The following CCDC50 variants were observed in gnomAD, a reference collection of about 807,000 sequenced individuals.
The protein encoded by CCDC50 is coiled-coil domain-containing protein 50.
A neutral mutation model predicts 70.2 loss-of-function variants in CCDC50; 54 were observed. That is an observed-to-expected ratio of 0.77 (90% CI 0.62 to 0.96). The LOEUF (loss-of-function observed/expected upper bound fraction) is 0.96, where lower values mean the gene tolerates loss of function less well. Among genes scored for constraint, CCDC50 ranks in the 50% least tolerant of loss-of-function variants. The pLI, the probability that CCDC50 is intolerant of heterozygous loss-of-function variation, is 0.00. For synonymous variants in CCDC50, 216 were observed against 198.8 expected, an observed-to-expected ratio of 1.09 and a Z score of -0.73; for missense variants, 558 against 578.7, an observed-to-expected ratio of 0.96 and a Z score of 0.37.
intron 1 of CCDC50, among the ~76,000 whole-genome samples, chr3:191,352,753 A>G (rs1188703261): frequency 2.5e-5 from 3 of 119,448 alleles, no homozygotes; most frequent in Non-Finnish European, 5.3e-5. Context: ...TATCTCCAAG[A>G]TATGCCTATA....
intron 1 of CCDC50, among the ~76,000 whole-genome samples, chr3:191,338,552 G>A (rs1430449791): frequency 1.3e-5 from 2 of 152,124 alleles, no homozygotes; most frequent in Non-Finnish European, 2.9e-5. Flanking sequence ...TTTCAATTCT[G>A]TCAGTGATTG....
rs922865974 is a variant in CCDC50, at chr3:191,357,251, T to A, written c.112+101T>A. The A allele has an allele frequency of 6.7e-6, 6 of 890,362 alleles. No individual in the cohort carries two copies. The Admixed American group carries it at 7.7e-5, about 11-fold the overall frequency. 55.2% of individuals were successfully genotyped at this position (890,362 alleles called of 1,614,324 possible). On this transcript the variant is annotated intron_variant, in intron 2 of 11. Transcript: ENST00000392455. Reference sequence around the variant, plus strand: ...TAGGTGGGGAGAGAGCACAGTCACTTGGCTTCACCATCCATACATCCTGAA... The same window carrying A: ...TAGGTGGGGAGAGAGCACAGTCACTAGGCTTCACCATCCATACATCCTGAA...
At chr3:191,354,930 C>T (rs1199585536) in intron 1 of CCDC50, among the ~76,000 whole-genome samples, 1 of 152,014 alleles carries the variant, frequency 6.6e-6, no homozygotes, top group Non-Finnish European at 1.5e-5. Context: ...ATTTAGGAAA[C>T]AATGATAAGA....
At position 191,375,421 on chromosome 3, in the gene CCDC50, C is replaced by G. The variant is rs774926550; in HGVS notation, c.808C>G (p.Arg270Gly). 14 of 1,613,730 alleles carry G rather than the reference C, an allele frequency of 8.7e-6. No individual in the cohort carries two copies. Among genetic ancestry groups the G allele is most frequent in the Admixed American group, 5.0e-5 (3 of 59,946 alleles). Residue 270 changes from arginine (R) to glycine (G), a missense_variant, in exon 6 of 12, where the codon CGA (arginine) becomes GGA (glycine). Coordinates refer to ENST00000392455, the MANE Select transcript of CCDC50 (RefSeq NM_178335.3). ...HQTRNWEKQS[R>G]HQDRLSPKSS... ...GACTCGAAATTGGGAAAAACAGTCT[C>G]GACACCAAGATCGACTTTCACCCAA... is the stretch of plus-strand genomic sequence containing the variant.
At chr3:191,329,761 C>T (rs764136372) in intron 1 of CCDC50, 38 bp downstream of exon 1, 7 of 1,592,360 alleles carry the variant, frequency 4.4e-6, no homozygotes, top group East Asian at 2.3e-5. Flanking sequence ...GGACCCTCCC[C>T]TCTCCCAGCC....
intron 5 of CCDC50, 160 bp downstream of exon 5, chr3:191,370,196 A>T (rs1179049224): frequency 1.5e-6 from 1 of 647,826 alleles, no homozygotes; most frequent in East Asian, 2.8e-5. Flanking sequence ...TTTGAATCTA[A>T]TAAATTCATG....
rs200881119 is a variant in CCDC50 at position 191,329,664 on chromosome 3, C to T, written c.-11C>T. 7.2e-5 allele frequency: 116 copies of T among 1,607,606 alleles called. No individual in the cohort carries two copies. The highest frequency in any genetic ancestry group is 9.0e-5 in the Non-Finnish European group (106 of 1,177,756). Reference sequence around the variant, plus strand: ...CCCGCGTTAAAGGGGCAACCGGGACCCTGGCCCGGTATGGCTGAAGTCAGC... The same window carrying T: ...CCCGCGTTAAAGGGGCAACCGGGACTCTGGCCCGGTATGGCTGAAGTCAGC... On this transcript the variant is annotated 5_prime_UTR_variant, in exon 1 of 12. Coordinates refer to ENST00000392455, the MANE Select transcript of CCDC50 (RefSeq NM_178335.3).
chr3:191,388,557 G>A (rs73185263), intron 10 of CCDC50, among the ~76,000 whole-genome samples: 11,012 of 152,142 alleles, frequency 0.072, 504 homozygotes, highest in East Asian at 0.24. Context: ...TGACCTCTTC[G>A]GGATGCTGAA....
chr3:191,384,625 A>G (rs1011185440), intron 10 of CCDC50, among the ~76,000 whole-genome samples: 52 of 152,028 alleles, frequency 3.4e-4, no homozygotes, highest in Admixed American at 7.9e-4. Flanking sequence ...AGAATTTTCT[A>G]CTCTTCGTGT....
chr3:191,375,076 A>T lies in CCDC50; in HGVS notation c.463A>T (p.Arg155Trp). 2 of 1,613,422 alleles carry T rather than the reference A, an allele frequency of 1.2e-6. No individual in the cohort carries two copies. The highest frequency in any genetic ancestry group is 1.3e-5 in the African/African-American group (1 of 75,022). The change falls in exon 6 of 12, where the codon AGG (arginine) becomes TGG (tryptophan). Residue 155 changes from arginine (R) to tryptophan (W), a missense_variant. By Grantham distance (101) the Arg-to-Trp change is moderately radical (BLOSUM62 -3). Transcript: ENST00000392455. The part of the protein sequence containing the change: ...YYEDGDQPGS[R>W]RARELGSGFS... ...CCTCCACTCAGACCAACCAGGGTCA[A>T]GGAGGGCCAGGGAATTGGGTTCTGG...
Position 191,347,301 on chromosome 3 carries a change from G to T in CCDC50, c.50-9787G>T, listed in dbSNP as rs1318696493. Among the ~76,000 whole-genome samples, 2 of 140,972 alleles carry T rather than the reference G, an allele frequency of 1.4e-5. 1 individual carries two copies. The highest frequency in any genetic ancestry group is 1.5e-4 in the Admixed American group (2 of 13,754). 92.5% of individuals were successfully genotyped at this position (140,972 alleles called of 152,430 possible). On this transcript the variant is annotated intron_variant, in intron 1 of 11. Coordinates refer to ENST00000392455, the MANE Select transcript of CCDC50 (RefSeq NM_178335.3). Reference sequence around the variant, plus strand: ...TTTATTAACATTTTGTAATTCTTGGGATGATTTGGCAGTTTGCAACTACAG... The same window carrying T: ...TTTATTAACATTTTGTAATTCTTGGTATGATTTGGCAGTTTGCAACTACAG...
At chr3:191,358,881 T>G (rs1384122305) in intron 3 of CCDC50, among the ~76,000 whole-genome samples, 2 of 152,202 alleles carry the variant, frequency 1.3e-5, no homozygotes, top group Non-Finnish European at 2.9e-5. Flanking sequence ...TACTTCAGTG[T>G]CATATTCAGG....
rs574345500 is a variant in CCDC50, at chr3:191,363,813, C to G, written c.330+2654C>G. 6.6e-5 allele frequency among the ~76,000 whole-genome samples: 10 copies of G among 152,244 alleles called. 1 individual carries two copies. The East Asian group carries it at 1.9e-3, about 29-fold the overall frequency. On this transcript the variant is annotated intron_variant, in intron 4 of 11. Coordinates refer to ENST00000392455, the MANE Select transcript of CCDC50 (RefSeq NM_178335.3). ...GACTTTTTGACTTTTCAACTCATGC[C>G]TCAGATGAGAAGATGGCTACTGTGC...
At chr3:191,374,327 C>T (rs1218173179) in intron 5 of CCDC50, among the ~76,000 whole-genome samples, 1 of 152,074 alleles carries the variant, frequency 6.6e-6, no homozygotes, top group Non-Finnish European at 1.5e-5. Flanking sequence ...ATTTAGGAAG[C>T]GACTCCTTTT....
chr3:191,375,631 T>C (rs1576969462), intron 6 of CCDC50, 42 bp downstream of exon 6: 16 of 1,593,700 alleles, frequency 1.0e-5, no homozygotes, highest in Non-Finnish European at 1.3e-5. Flanking sequence ...GTATCATGTA[T>C]ATAACTACAA....
chr3:191,369,625 A>C (rs1437957603), intron 4 of CCDC50, among the ~76,000 whole-genome samples: 1 of 152,194 alleles, frequency 6.6e-6, no homozygotes, highest in Non-Finnish European at 1.5e-5. Context: ...CCACAAATAC[A>C]TATTTTTAAA....
At chr3:191,371,712 A>G (rs931393798) in intron 5 of CCDC50, among the ~76,000 whole-genome samples, 2 of 152,174 alleles carry the variant, frequency 1.3e-5, no homozygotes, top group Non-Finnish European at 2.9e-5. Flanking sequence ...GCTGATTCAC[A>G]ATTTATTGCT....
Position 191,395,176 on chromosome 3 carries a change from C to G in CCDC50, c.*3416C>G, listed in dbSNP as rs908108031. On this transcript the variant is annotated 3_prime_UTR_variant, in exon 12 of 12. Transcript: ENST00000392455. ...GAACTCACTCTAGAAAATTCTGGAC[C>G]TGATTCATTAACCCCGCTTTTCTTC... 2 of 152,070 alleles carry G rather than the reference C, an allele frequency of 1.3e-5. No individual in the cohort carries two copies. The highest frequency in any genetic ancestry group is 2.4e-5 in the African/African-American group (1 of 41,412). The allele number at this position is 152,070 out of a possible 1,614,324, so 9.4% of individuals were successfully genotyped here. A position where few individuals can be genotyped will look rare whatever the true frequency, so the allele number is the denominator to read the frequency against.
intron 1 of CCDC50, among the ~76,000 whole-genome samples, chr3:191,346,654 C>T (rs1466338691): frequency 2.6e-5 from 4 of 152,092 alleles, no homozygotes; most frequent in Admixed American, 1.3e-4. Context: ...AATGTGAGTG[C>T]TTTGAGGCTG....
Sources: gnomAD v4.1 joint callset for allele counts (sites outside exome capture counted in the v4.1 genomes callset) on GRCh38, gnomAD v4.1.1 for gene constraint, MANE v1.5 for transcripts, NCBI Gene and HGNC (gene_info 2026-07-23, HGNC 2026-07-21) for gene names.